PCDH9: variants seen among roughly 807,000 people sequenced by gnomAD.
PCDH9 encodes protocadherin 9.
PCDH9 carries 24 observed loss-of-function variants against 70.6 expected under a neutral mutation model. That is an observed-to-expected ratio of 0.34 (90% confidence interval 0.25 to 0.48). The LOEUF (loss-of-function observed/expected upper bound fraction) is 0.48. Among genes scored for constraint, PCDH9 ranks in the 20% least tolerant of loss-of-function variants. The pLI is 0.99. For missense variants in PCDH9, 1,281 were observed against 1,503.6 expected, an observed-to-expected ratio of 0.85 and a Z score of 2.45; for synonymous variants, 562 against 558.5, an observed-to-expected ratio of 1.01 and a Z score of -0.09.
intron 2 of PCDH9, among the ~76,000 whole-genome samples, chr13:67,075,642 T>C (rs895765002): frequency 2.0e-5 from 3 of 151,818 alleles, no homozygotes; most frequent in Non-Finnish European, 4.4e-5. Flanking sequence ...TATTTCTATG[T>C]CCTTCGTTCT....
intron 4 of PCDH9, among the ~76,000 whole-genome samples, chr13:66,486,345 T>C (rs1184862060): frequency 6.6e-6 from 1 of 151,560 alleles, no homozygotes; most frequent in Non-Finnish European, 1.5e-5. Context: ...GGGTTGGGAG[T>C]GGGGGTGGTG....
At chr13:67,029,431 A>T (rs1449131754) in intron 2 of PCDH9, among the ~76,000 whole-genome samples, 1 of 152,090 alleles carries the variant, frequency 6.6e-6, no homozygotes, top group Non-Finnish European at 1.5e-5. Context: ...CCTCAATCCT[A>T]AGGAATTATC....
intron 4 of PCDH9, among the ~76,000 whole-genome samples, chr13:66,597,183 C>T (rs1347742439): frequency 1.3e-5 from 2 of 151,658 alleles, no homozygotes; most frequent in African/African-American, 4.8e-5. Flanking sequence ...AAAATATCCA[C>T]ACTACCCAAA....
chr13:66,935,924 C>CAA (rs940170593), intron 2 of PCDH9, among the ~76,000 whole-genome samples: 1 of 144,706 alleles, frequency 6.9e-6, no homozygotes, highest in African/African-American at 2.5e-5. Flanking sequence ...ACTAAAAATA[C>CAA]AAAAAAAAAA....
intron 2 of PCDH9, chr13:67,207,368 A>T (rs1310138028): frequency 6.6e-6 from 1 of 152,200 alleles, no homozygotes; most frequent in African/African-American, 2.4e-5. Context: ...TTCTCCCCTG[A>T]CTAGAACTGT....
chr13:66,381,345 C>A (rs1245542265), intron 4 of PCDH9, among the ~76,000 whole-genome samples: 1 of 152,182 alleles, frequency 6.6e-6, no homozygotes, highest in Non-Finnish European at 1.5e-5. Context: ...TTTATAGTGA[C>A]ATAATCTTTG....
chr13:66,861,504 C>T (rs1424382964), intron 3 of PCDH9, among the ~76,000 whole-genome samples: 1 of 152,126 alleles, frequency 6.6e-6, no homozygotes, highest in East Asian at 1.9e-4. Context: ...ATTCTCTCTC[C>T]TTTCTAAATG....
intron 4 of PCDH9, among the ~76,000 whole-genome samples, chr13:66,361,975 T>C (rs1300052294): frequency 6.6e-6 from 1 of 152,178 alleles, no homozygotes; most frequent in Non-Finnish European, 1.5e-5. Context: ...TGTAATATCA[T>C]ATTTTTAAAT....
At chr13:66,315,451 C>T (rs1464468372) in intron 4 of PCDH9, among the ~76,000 whole-genome samples, 1 of 152,176 alleles carries the variant, frequency 6.6e-6, no homozygotes, top group African/African-American at 2.4e-5. Context: ...CTACCAGCTT[C>T]CCTGCAAACT....
intron 2 of PCDH9, among the ~76,000 whole-genome samples, chr13:66,964,273 A>G (rs952140024): frequency 2.6e-5 from 4 of 151,856 alleles, no homozygotes; most frequent in African/African-American, 4.8e-5. Flanking sequence ...CTCTGTGCTT[A>G]TATTTGTTAC....
intron 2 of PCDH9, among the ~76,000 whole-genome samples, chr13:67,196,981 T>G (rs2089081534): frequency 6.6e-6 from 1 of 151,992 alleles, no homozygotes; most frequent in African/African-American, 2.4e-5. Context: ...TTAGGCAAAG[T>G]CTAGGTTGGA....
chr13:66,727,737 CA>C (rs2079024045), intron 3 of PCDH9, among the ~76,000 whole-genome samples: 1 of 151,912 alleles, frequency 6.6e-6, no homozygotes, highest in Non-Finnish European at 1.5e-5. Flanking sequence ...CTTTCTCTTC[CA>C]AAAATGATGT....
In PCDH9 at chr13:67,152,252, C is replaced by T. The variant is rs553159236; in HGVS notation, c.3036+73153G>A. On this transcript the variant is annotated intron_variant, in intron 2 of 4. Coordinates refer to ENST00000377865, the MANE Select transcript of PCDH9 (RefSeq NM_203487.3). ...TGCCAGGCAGTGAACTAATGAATTA[C>T]AATTTGGCAGCGCTCCATGCCTGAT... is the stretch of plus-strand genomic sequence containing the variant. 1.3e-4 allele frequency among the ~76,000 whole-genome samples: 20 copies of T among 152,276 alleles called. 1 individual carries two copies. In the South Asian group the frequency reaches 3.3e-3, roughly 25 times the overall value.
At chr13:66,759,626 G>A (rs1300329606) in intron 3 of PCDH9, among the ~76,000 whole-genome samples, 1 of 108,150 alleles carries the variant, frequency 9.2e-6, no homozygotes, top group Admixed American at 1.0e-4. Flanking sequence ...TAGTAACAGT[G>A]CTTTCTTGTT....
chr13:66,727,978 T>C (rs1403864318), intron 3 of PCDH9, among the ~76,000 whole-genome samples: 1 of 152,168 alleles, frequency 6.6e-6, no homozygotes, highest in Non-Finnish European at 1.5e-5. Flanking sequence ...CTGATGAATA[T>C]AAGTATTATA....
At chr13:66,686,350 C>G (rs991216666) in intron 3 of PCDH9, among the ~76,000 whole-genome samples, 1 of 152,058 alleles carries the variant, frequency 6.6e-6, no homozygotes, top group African/African-American at 2.4e-5. Context: ...TGTTTGCTTC[C>G]CCTTCAGCCA....
intron 2 of PCDH9, among the ~76,000 whole-genome samples, chr13:66,982,970 A>C (rs1464488665): frequency 6.6e-6 from 1 of 152,216 alleles, no homozygotes; most frequent in Non-Finnish European, 1.5e-5. Context: ...ATGTAGCTTA[A>C]TGGAAAAAGA....
At chr13:66,346,172 T>C (rs1220884397) in intron 4 of PCDH9, among the ~76,000 whole-genome samples, 1 of 152,010 alleles carries the variant, frequency 6.6e-6, no homozygotes, top group Admixed American at 6.6e-5. Flanking sequence ...CCGAGCCAAA[T>C]GTGTTTAATT....
chr13:67,141,680 C>T (rs1257297077), intron 2 of PCDH9, among the ~76,000 whole-genome samples: 1 of 151,620 alleles, frequency 6.6e-6, no homozygotes, highest in Non-Finnish European at 1.5e-5. Flanking sequence ...ACCTTGTGAT[C>T]CACCCGCCTC....
Sources: gnomAD v4.1 joint callset for allele counts (sites outside exome capture counted in the v4.1 genomes callset) on GRCh38, gnomAD v4.1.1 for gene constraint, MANE v1.5 for transcripts, NCBI Gene and HGNC (gene_info 2026-07-23, HGNC 2026-07-21) for gene names.